The following GHR variants were observed in gnomAD, a reference collection of about 807,000 sequenced individuals.
The protein encoded by GHR is GH receptor.
Under a neutral mutation model 67.1 loss-of-function variants are expected in GHR, and 35 were observed. The observed-to-expected ratio is 0.52, with a 90% confidence interval of 0.40 to 0.69. GHR has a LOEUF of 0.69. GHR is among the 30% of genes least tolerant of loss of function. The pLI is 0.00. For missense variants in GHR, 792 were observed against 764.6 expected (o/e 1.04, Z -0.42); for synonymous variants, 272 against 269.1 (o/e 1.01, Z -0.10).
intron 1 of GHR, among the ~76,000 whole-genome samples, chr5:42,480,174 A>G (rs1170815457): frequency 6.6e-6 from 1 of 152,150 alleles, no homozygotes; most frequent in Non-Finnish European, 1.5e-5. Flanking sequence ...CAGGTTGTTC[A>G]GTTTCCATGT....
rs564807031 is a variant in GHR, at chr5:42,599,437, A to T, written c.71-29601A>T. Among the ~76,000 whole-genome samples, 3 of 136,436 alleles carry T rather than the reference A, an allele frequency of 2.2e-5. No homozygotes were observed. In the South Asian group the frequency reaches 6.7e-4, roughly 30 times the overall value. 89.5% of individuals were successfully genotyped at this position (136,436 alleles called of 152,430 possible). On this transcript the variant is annotated intron_variant, in intron 2 of 9. Coordinates refer to ENST00000230882, the MANE Select transcript of GHR (RefSeq NM_000163.5). ...GAGTGCAGTGGCACAATCTCAGCTC[A>T]CTCAACCTCTGCCTCCCGGGTTCAA...
At chr5:42,535,335 T>C (rs1318589135) in intron 1 of GHR, among the ~76,000 whole-genome samples, 4 of 152,258 alleles carry the variant, frequency 2.6e-5, no homozygotes, top group Admixed American at 6.5e-5. Context: ...ATTTTTTGTA[T>C]GAGGTAAGAG....
chr5:42,444,873 A>C (rs1743740363), intron 1 of GHR, among the ~76,000 whole-genome samples: 1 of 151,510 alleles, frequency 6.6e-6, no homozygotes, highest in South Asian at 2.1e-4. Flanking sequence ...TTCCTCTACC[A>C]CTTCTTTGGC....
chr5:42,438,996 G>T (rs1743454174), intron 1 of GHR, among the ~76,000 whole-genome samples: 1 of 152,058 alleles, frequency 6.6e-6, no homozygotes, highest in South Asian at 2.1e-4. Flanking sequence ...TTTTAAAAAA[G>T]AAATTGTTTT....
At chr5:42,623,810 G>A (rs140655927) in intron 2 of GHR, among the ~76,000 whole-genome samples, 93 of 152,290 alleles carry the variant, frequency 6.1e-4, no homozygotes, top group African/African-American at 1.6e-3. Flanking sequence ...TTAATAAATG[G>A]AGTCCTTGCA....
chr5:42,597,265 A>T (rs1752120238), intron 2 of GHR, among the ~76,000 whole-genome samples: 1 of 152,244 alleles, frequency 6.6e-6, no homozygotes, highest in Non-Finnish European at 1.5e-5. Context: ...AGACATAAGT[A>T]ACCTGAAGAA....
chr5:42,665,378 A>C (rs1755904130), intron 3 of GHR, among the ~76,000 whole-genome samples: 1 of 152,216 alleles, frequency 6.6e-6, no homozygotes, highest in South Asian at 2.1e-4. Context: ...CTGGATTAAG[A>C]AAATGTGGCA....
At chr5:42,550,943 T>C (rs1270233547) in intron 1 of GHR, among the ~76,000 whole-genome samples, 1 of 152,196 alleles carries the variant, frequency 6.6e-6, no homozygotes, top group Non-Finnish European at 1.5e-5. Flanking sequence ...TCTAGCCCTC[T>C]CTTTTCTCTT....
At chr5:42,601,003 T>A (rs1752353473) in intron 2 of GHR, among the ~76,000 whole-genome samples, 1 of 137,232 alleles carries the variant, frequency 7.3e-6, no homozygotes, top group Non-Finnish European at 1.5e-5. Flanking sequence ...CTTGTCTCAC[T>A]GCAACCTCCG....
At chr5:42,551,469 G>T (rs1749029675) in intron 1 of GHR, among the ~76,000 whole-genome samples, 1 of 152,154 alleles carries the variant, frequency 6.6e-6, no homozygotes, top group African/African-American at 2.4e-5. Flanking sequence ...GAAGGCTGTT[G>T]AAAGTCTGGA....
chr5:42,546,009 C>A (rs960904371), intron 1 of GHR, among the ~76,000 whole-genome samples: 2 of 152,090 alleles, frequency 1.3e-5, no homozygotes, highest in African/African-American at 2.4e-5. Flanking sequence ...TTGGTTTCAG[C>A]ACACTAATAG....
intron 3 of GHR, among the ~76,000 whole-genome samples, chr5:42,679,959 C>T (rs1451236824): frequency 6.6e-6 from 1 of 152,224 alleles, no homozygotes; most frequent in Non-Finnish European, 1.5e-5. Flanking sequence ...ATATTCACAT[C>T]TTCTTTGCTC....
intron 1 of GHR, among the ~76,000 whole-genome samples, chr5:42,554,457 CTATT>C (rs1431196464): frequency 1.3e-5 from 2 of 152,156 alleles, no homozygotes; most frequent in Non-Finnish European, 2.9e-5. Context: ...AGTAGGAAGA[CTATT>C]TCTTTCTACT....
chr5:42,664,379 C>T (rs1297504559), intron 3 of GHR, among the ~76,000 whole-genome samples: 2 of 152,204 alleles, frequency 1.3e-5, no homozygotes, highest in African/African-American at 2.4e-5. Flanking sequence ...CAGCATGGTA[C>T]TGGTACCAAA....
intron 1 of GHR, among the ~76,000 whole-genome samples, chr5:42,527,356 G>T (rs922570721): frequency 4.6e-5 from 7 of 152,144 alleles, no homozygotes; most frequent in Admixed American, 4.6e-4. Context: ...CAAAATAAAG[G>T]GGTGGAGGAA....
chr5:42,427,588 A>G (rs1395181441), intron 1 of GHR, among the ~76,000 whole-genome samples: 2 of 152,050 alleles, frequency 1.3e-5, no homozygotes, highest in Non-Finnish European at 2.9e-5. Flanking sequence ...CCTAAATCTC[A>G]TGTTCTCACA....
intron 3 of GHR, among the ~76,000 whole-genome samples, chr5:42,658,156 A>C (rs1054460717): frequency 2.0e-5 from 3 of 152,192 alleles, no homozygotes; most frequent in African/African-American, 7.2e-5. Flanking sequence ...ATTACTAGCT[A>C]TCTAACAGCT....
chr5:42,550,881 A>G (rs1748994189), intron 1 of GHR, among the ~76,000 whole-genome samples: 1 of 152,152 alleles, frequency 6.6e-6, no homozygotes, highest in African/African-American at 2.4e-5. Flanking sequence ...TCTTGCACCA[A>G]CACCCGGCAC....
At chr5:42,468,241 TTTTCTTC>T in intron 1 of GHR, 1 of 1,549,454 alleles carries the variant, frequency 6.5e-7, no homozygotes, top group South Asian at 1.1e-5. Context: ...ATCTGGGAAG[TTTTCTTC>T]TTCCTCCTCC....
Sources: allele counts gnomAD v4.1 joint callset (sites outside exome capture counted in the v4.1 genomes callset), GRCh38; gene constraint gnomAD v4.1.1; transcripts MANE v1.5; gene names NCBI Gene and HGNC (gene_info 2026-07-23, HGNC 2026-07-21).